The following DMBT1 variants were observed in gnomAD, a reference collection of about 807,000 sequenced individuals.
The protein encoded by DMBT1 is scavenger receptor cysteine-rich domain-containing protein DMBT1.
Under a neutral mutation model 252.9 loss-of-function variants are expected in DMBT1, and 198 were observed. The ratio of observed to expected loss-of-function variants is 0.78; its 90% CI spans 0.70 to 0.88. The LOEUF (loss-of-function observed/expected upper bound fraction) is 0.88. Among genes scored for constraint, DMBT1 ranks in the 40% least tolerant of loss-of-function variants. The pLI is 0.00. For synonymous variants in DMBT1, 990 were observed against 942.7 expected (o/e 1.05, Z -0.92); for missense variants, 2,432 against 2,404.7 (o/e 1.01, Z -0.24).
At chr10:122,632,041 C>T (rs1232845692) in intron 50 of DMBT1, among the ~76,000 whole-genome samples, 166 bp downstream of exon 50, 1 of 152,092 alleles carries the variant, frequency 6.6e-6, no homozygotes, top group Non-Finnish European at 1.5e-5. Context: ...TAGTGTGCCC[C>T]TCTCTGTGCT....
rs1221326887 is a variant in DMBT1, at chr10:122,631,299, G to A, written c.6346+18G>A. ...CTGCTCAGGTATGGCCCAATGCCAT[G>A]GAAGGCCCATTTCACCTGTAACTTG... On this transcript the variant is annotated intron_variant, in intron 49 of 55. Coordinates refer to ENST00000338354, the MANE Select transcript of DMBT1 (RefSeq NM_001377530.1). 1.2e-6 allele frequency: 2 copies of A among 1,606,980 alleles called. No individual in the cohort carries two copies. Among genetic ancestry groups the A allele is most frequent in the Non-Finnish European group, 1.7e-6 (2 of 1,174,210 alleles).
At position 122,586,750 on chromosome 10, in the gene DMBT1, A is replaced by G. The variant is rs533874904; in HGVS notation, c.1783+367A>G. On this transcript the variant is annotated intron_variant, in intron 16 of 55. Coordinates refer to ENST00000338354, the MANE Select transcript of DMBT1 (RefSeq NM_001377530.1). ...TGGGTCTTGGGTCTTTGCAGGCTGCATAGGAGCATGGTGCAGGCATCTGCT... is the reference window on the plus strand; with the variant it reads ...TGGGTCTTGGGTCTTTGCAGGCTGCGTAGGAGCATGGTGCAGGCATCTGCT... 3.2e-4 allele frequency among the ~76,000 whole-genome samples: 47 copies of G among 148,794 alleles called. 6 individuals carry two copies. Among genetic ancestry groups the G allele is most frequent in the Non-Finnish European group, 1.6e-4 (11 of 66,780 alleles).
At position 122,592,718 on chromosome 10, in the gene DMBT1, T is replaced by C. The variant is rs1012833377; in HGVS notation, c.2500+123T>C. ...TATGTTTCCTATATTTATGTAGTCT[T>C]GTTAGCTCTCTGCTAAGGATCTGTA... is the stretch of plus-strand genomic sequence containing the variant. On this transcript the variant is annotated intron_variant, in intron 20 of 55. Transcript: ENST00000338354. 6 of 1,478,172 alleles carry C rather than the reference T, an allele frequency of 4.1e-6. 1 individual carries two copies. The African/African-American group carries it at 5.5e-5, about 14-fold the overall frequency. The allele number at this position is 1,478,172 out of a possible 1,614,324, so 91.6% of individuals were successfully genotyped here.
intron 6 of DMBT1, among the ~76,000 whole-genome samples, chr10:122,575,274 G>A (rs2097702149): frequency 6.6e-6 from 1 of 152,190 alleles, no homozygotes; most frequent in African/African-American, 2.4e-5. Flanking sequence ...TCCCTCTTCT[G>A]GAGTTCTGTA....
Position 122,601,015 on chromosome 10 carries a change from C to T in DMBT1, c.3335C>T (p.Ser1112Leu). 1 of 972,004 alleles carries T rather than the reference C, an allele frequency of 1.0e-6. No individual in the cohort carries two copies. The highest frequency in any genetic ancestry group is 1.6e-6 in the Non-Finnish European group (1 of 619,876). 60.2% of individuals were successfully genotyped at this position (972,004 alleles called of 1,614,324 possible). A position where few individuals can be genotyped will look rare whatever the true frequency, so the allele number is the denominator to read the frequency against. The change falls in exon 28 of 56, where the codon TCA becomes TTA. Residue 1112 changes from serine to leucine, a missense_variant. Transcript: ENST00000338354. ...GACACTTGGCCAACCTCACATGCAT[C>T]AACAGCAGGTAAATAATCCTCTCAC... ...SPDTWPTSHA[S>L]TAGSESSLAL...
intron 6 of DMBT1, 114 bp downstream of exon 6, chr10:122,573,876 C>A (rs192475474): frequency 3.8e-6 from 5 of 1,323,438 alleles, no homozygotes; most frequent in East Asian, 4.6e-5. Context: ...TTAGCTCCCA[C>A]GAGGGGCCCT....
At chr10:122,636,280 A>G in intron 53 of DMBT1, 81 bp downstream of exon 53, 1 of 1,305,722 alleles carries the variant, frequency 7.7e-7, no homozygotes, top group African/African-American at 1.5e-5. Context: ...TGTTGTTGTG[A>G]AATAAGAAAT....
intron 4 of DMBT1, among the ~76,000 whole-genome samples, chr10:122,571,322 C>T (rs979100155): frequency 2.6e-5 from 4 of 152,134 alleles, no homozygotes; most frequent in African/African-American, 9.7e-5. Context: ...GATGGAATCA[C>T]CTTGTGGACT....
intron 1 of DMBT1, among the ~76,000 whole-genome samples, chr10:122,562,702 C>T (rs189411145): frequency 6.6e-6 from 1 of 152,324 alleles, no homozygotes; most frequent in Admixed American, 6.5e-5. Context: ...TTGTAGTTTG[C>T]CCATGATGTT....
intron 4 of DMBT1, among the ~76,000 whole-genome samples, chr10:122,571,354 G>A (rs539434780): frequency 5.9e-5 from 9 of 152,206 alleles, no homozygotes; most frequent in Admixed American, 2.0e-4. Flanking sequence ...GCAGCATCAC[G>A]ACAACCCCTG....
intron 1 of DMBT1, among the ~76,000 whole-genome samples, chr10:122,561,295 A>T (rs1201769953): frequency 1.3e-5 from 2 of 152,192 alleles, no homozygotes; most frequent in African/African-American, 4.8e-5. Flanking sequence ...TTGCCGAGCA[A>T]AATCAGGTCA....
At position 122,621,030 on chromosome 10, in the gene DMBT1, A is replaced by G; in HGVS notation, c.5285-27A>G. 1.9e-6 allele frequency: 3 copies of G among 1,612,208 alleles called. No individual in the cohort carries two copies. In the South Asian group the frequency reaches 3.3e-5, roughly 18 times the overall value. ...ATCCTTGACCTCATAATCAGTATGG[A>G]TGAAGGGTTCTTGTGTTCCCCTGTA... On this transcript the variant is annotated intron_variant, in intron 43 of 55. Coordinates refer to ENST00000338354, the MANE Select transcript of DMBT1 (RefSeq NM_001377530.1).
chr10:122,580,064 G>A (rs2097754404), intron 10 of DMBT1, among the ~76,000 whole-genome samples, 163 bp downstream of exon 10: 1 of 152,226 alleles, frequency 6.6e-6, no homozygotes, highest in Non-Finnish European at 1.5e-5. Context: ...ACTGCCTAGT[G>A]TTCCTGTGGT....
intron 44 of DMBT1, among the ~76,000 whole-genome samples, chr10:122,624,314 A>T (rs1473962951): frequency 6.6e-6 from 1 of 152,198 alleles, no homozygotes; most frequent in Non-Finnish European, 1.5e-5. Context: ...TGCACAGCTC[A>T]GTCCACACCC....
chr10:122,638,794 G>T lies in DMBT1; in HGVS notation c.6943-1246G>T, dbSNP rs146230893. Among the ~76,000 whole-genome samples, 19 of 152,310 alleles carry T rather than the reference G, an allele frequency of 1.2e-4. No homozygotes were observed. In the East Asian group the frequency reaches 3.5e-3, roughly 28 times the overall value. ...TTGCCTATCACACTGAGTGCCTCAG[G>T]GGCAGGGCCAATGTTTTGTTCATCT... On this transcript the variant is annotated intron_variant, in intron 54 of 55. Coordinates refer to ENST00000338354, the MANE Select transcript of DMBT1 (RefSeq NM_001377530.1).
intron 41 of DMBT1, 100 bp downstream of exon 41, chr10:122,618,440 T>C: frequency 1.3e-6 from 2 of 1,578,980 alleles, no homozygotes; most frequent in Non-Finnish European, 1.7e-6. Flanking sequence ...GCTTTTTCTA[T>C]GTTTTCTATA....
At chr10:122,620,702 T>A (rs1288930641) in intron 43 of DMBT1, among the ~76,000 whole-genome samples, 1 of 152,230 alleles carries the variant, frequency 6.6e-6, no homozygotes, top group East Asian at 1.9e-4. Context: ...GAGGATCATG[T>A]GGGTGCCACC....
chr10:122,639,649 G>A (rs1461471033), intron 54 of DMBT1, among the ~76,000 whole-genome samples: 1 of 152,206 alleles, frequency 6.6e-6, no homozygotes, highest in Non-Finnish European at 1.5e-5. Flanking sequence ...ATATGTGCAG[G>A]CTTGGGCTCA....
rs1267189081 is a variant in DMBT1, at chr10:122,621,041, T to C, written c.5285-16T>C. On this transcript the variant is annotated splice_polypyrimidine_tract_variant and intron_variant, in intron 43 of 55. Coordinates refer to ENST00000338354, the MANE Select transcript of DMBT1 (RefSeq NM_001377530.1). Reference sequence around the variant, plus strand: ...CATAATCAGTATGGATGAAGGGTTCTTGTGTTCCCCTGTAGGATCTGAATC... The same window carrying C: ...CATAATCAGTATGGATGAAGGGTTCCTGTGTTCCCCTGTAGGATCTGAATC... 1.2e-6 allele frequency: 2 copies of C among 1,612,658 alleles called. No homozygotes were observed. The highest frequency in any genetic ancestry group is 2.2e-5 in the East Asian group (1 of 44,886).
Sources: gnomAD v4.1 joint callset for allele counts (sites outside exome capture counted in the v4.1 genomes callset) on GRCh38, gnomAD v4.1.1 for gene constraint, MANE v1.5 for transcripts, NCBI Gene and HGNC (gene_info 2026-07-23, HGNC 2026-07-21) for gene names.